PRTFDC1: variants seen among roughly 807,000 people sequenced by gnomAD.
PRTFDC1 encodes phosphoribosyl transferase domain containing 1, also known as phosphoribosyltransferase domain-containing protein 1.
PRTFDC1 carries 38 observed loss-of-function variants against 34.6 expected under a neutral mutation model. The ratio of observed to expected loss-of-function variants is 1.10; its 90% CI spans 0.85 to 1.44. The LOEUF (loss-of-function observed/expected upper bound fraction) is 1.44. Among genes scored for constraint, PRTFDC1 ranks in the 40% most tolerant of loss-of-function variants. PRTFDC1 has a pLI of 0.00. For synonymous variants in PRTFDC1, 93 were observed against 98.1 expected (o/e 0.95, Z 0.31); for missense variants, 270 against 283.0 (o/e 0.95, Z 0.33).
intron 3 of PRTFDC1, among the ~76,000 whole-genome samples, chr10:24,872,816 T>A (rs1408133405): frequency 1.9e-4 from 25 of 134,762 alleles, no homozygotes; most frequent in African/African-American, 7.1e-4. Flanking sequence ...ATTTTTTTTT[T>A]TTTTTTTTTT....
chr10:24,938,311 T>G (rs1849088080), intron 2 of PRTFDC1, among the ~76,000 whole-genome samples: 1 of 151,900 alleles, frequency 6.6e-6, no homozygotes, highest in African/African-American at 2.4e-5. Context: ...ACTATAAAAC[T>G]GGGCAAAACT....
At chr10:24,942,032 C>T (rs1849166649) in intron 2 of PRTFDC1, among the ~76,000 whole-genome samples, 1 of 152,156 alleles carries the variant, frequency 6.6e-6, no homozygotes, top group African/African-American at 2.4e-5. Flanking sequence ...GAGGGTGGGA[C>T]TTCTTTGCCA....
At chr10:24,899,198 G>A (rs558682402) in intron 3 of PRTFDC1, among the ~76,000 whole-genome samples, 10 of 152,132 alleles carry the variant, frequency 6.6e-5, no homozygotes, top group East Asian at 1.9e-4. Context: ...GAATACCACC[G>A]TTGGGGCAAC....
intron 6 of PRTFDC1, among the ~76,000 whole-genome samples, chr10:24,856,292 G>GAAAAAAAAAA (rs1222999278): frequency 7.5e-6 from 1 of 132,930 alleles, no homozygotes; most frequent in African/African-American, 2.7e-5. Flanking sequence ...GAATAAAAAA[G>GAAAAAAAAAA]AAAAAAAAAA....
intron 3 of PRTFDC1, among the ~76,000 whole-genome samples, chr10:24,878,248 G>A (rs143647998): frequency 3.3e-5 from 5 of 151,838 alleles, no homozygotes; most frequent in African/African-American, 1.2e-4. Context: ...ACTCCAGCCT[G>A]GGCAACAGAG....
chr10:24,946,628 T>C (rs530305398), intron 1 of PRTFDC1, among the ~76,000 whole-genome samples: 3 of 152,306 alleles, frequency 2.0e-5, no homozygotes, highest in East Asian at 3.9e-4. Flanking sequence ...ATCTATGAAA[T>C]GGAGTTAGTG....
chr10:24,876,343 A>G (rs1847961966), intron 3 of PRTFDC1, among the ~76,000 whole-genome samples: 1 of 152,096 alleles, frequency 6.6e-6, no homozygotes, highest in South Asian at 2.1e-4. Context: ...GAACATTTAG[A>G]ACAGAACCTG....
chr10:24,943,154 T>G (rs1385427252), intron 1 of PRTFDC1, among the ~76,000 whole-genome samples: 2 of 150,426 alleles, frequency 1.3e-5, no homozygotes, highest in African/African-American at 2.4e-5. Context: ...TACTATTACA[T>G]TTCTATTCAT....
chr10:24,916,312 C>T (rs993893818), intron 3 of PRTFDC1, among the ~76,000 whole-genome samples: 2 of 152,174 alleles, frequency 1.3e-5, no homozygotes, highest in African/African-American at 2.4e-5. Context: ...ACCTTTACCC[C>T]TTTCATTCTA....
At chr10:24,891,336 A>G (rs542239674) in intron 3 of PRTFDC1, among the ~76,000 whole-genome samples, 21 of 152,276 alleles carry the variant, frequency 1.4e-4, no homozygotes, top group Middle Eastern at 3.4e-3. Flanking sequence ...GTTTCCTAAT[A>G]TAACAAAACC....
intron 3 of PRTFDC1, among the ~76,000 whole-genome samples, chr10:24,936,531 C>T (rs1255153160): frequency 6.6e-6 from 1 of 152,220 alleles, no homozygotes; most frequent in African/African-American, 2.4e-5. Context: ...GGGGATCCTT[C>T]TGTCTTGGCC....
chr10:24,908,316 A>T (rs1187084878), intron 3 of PRTFDC1: 1 of 752,092 alleles, frequency 1.3e-6, no homozygotes, highest in Non-Finnish European at 2.0e-6. Flanking sequence ...TTTCAAGGCA[A>T]TATTTTTATC....
chr10:24,899,061 G>C lies in PRTFDC1; in HGVS notation c.340-26998C>G, dbSNP rs146133501. Reference sequence around the variant, plus strand: ...GAACTGTGAGAAATAAATTTTTATTGTTTATAAGTCAACCAGTCTATGGCA... The same window carrying C: ...GAACTGTGAGAAATAAATTTTTATTCTTTATAAGTCAACCAGTCTATGGCA... On this transcript the variant is annotated intron_variant, in intron 3 of 8. Transcript: ENST00000320152. Among the ~76,000 whole-genome samples, 1,142 of 152,224 alleles carry C rather than the reference G, an allele frequency of 7.5e-3. 11 individuals are homozygous for C. Among genetic ancestry groups the C allele is most frequent in the South Asian group, 0.019 (93 of 4,824 alleles).
chr10:24,894,144 A>G (rs1209165438), intron 3 of PRTFDC1, among the ~76,000 whole-genome samples: 1 of 152,128 alleles, frequency 6.6e-6, no homozygotes, highest in Non-Finnish European at 1.5e-5. Context: ...AGCCTGGCCA[A>G]CAAGGTGAAA....
chr10:24,934,518 C>A (rs1374490658), intron 3 of PRTFDC1, among the ~76,000 whole-genome samples: 1 of 152,222 alleles, frequency 6.6e-6, no homozygotes, highest in Admixed American at 6.5e-5. Flanking sequence ...TCTATTCTCT[C>A]TGAAGCCTGC....
chr10:24,945,284 T>G (rs1487175248), intron 1 of PRTFDC1, among the ~76,000 whole-genome samples: 1 of 152,186 alleles, frequency 6.6e-6, no homozygotes, highest in East Asian at 1.9e-4. Flanking sequence ...CTCAAAAATG[T>G]TAAATGAATG....
intron 3 of PRTFDC1, among the ~76,000 whole-genome samples, chr10:24,891,334 A>G (rs1848258019): frequency 6.6e-6 from 1 of 152,154 alleles, no homozygotes; most frequent in African/African-American, 2.4e-5. Context: ...CTGTTTCCTA[A>G]TATAACAAAA....
chr10:24,870,955 C>G (rs1482263855), intron 4 of PRTFDC1, among the ~76,000 whole-genome samples: 1 of 151,440 alleles, frequency 6.6e-6, no homozygotes, highest in African/African-American at 2.4e-5. Flanking sequence ...GCCTGTAATC[C>G]CAGCTACTTG....
chr10:24,916,237 G>C (rs973911568), intron 3 of PRTFDC1, among the ~76,000 whole-genome samples: 4 of 152,112 alleles, frequency 2.6e-5, no homozygotes, highest in Non-Finnish European at 4.4e-5. Context: ...TGACCATCCA[G>C]GTTCCAGCTA....
Sources: gnomAD v4.1 joint callset for allele counts (sites outside exome capture counted in the v4.1 genomes callset) on GRCh38, gnomAD v4.1.1 for gene constraint, MANE v1.5 for transcripts, NCBI Gene and HGNC (gene_info 2026-07-23, HGNC 2026-07-21) for gene names.